Variants in SYNE3 observed in about 807,000 individuals in gnomAD.
The protein encoded by SYNE3 is spectrin repeat containing nuclear envelope family member 3, also known as nesprin-3.
In SYNE3, 100 loss-of-function variants were observed where a neutral mutation model predicts 111.2. The ratio of observed to expected loss-of-function variants is 0.90; its 90% CI spans 0.77 to 1.06. The LOEUF (loss-of-function observed/expected upper bound fraction) is 1.06, where lower values mean the gene tolerates loss of function less well. Ranked by LOEUF, SYNE3 falls within the 50% of genes least tolerant of loss-of-function variation. SYNE3 has a pLI of 0.00. For synonymous variants in SYNE3, 547 were observed against 533.9 expected (o/e 1.02, Z -0.34); for missense variants, 1,160 against 1,240.3 (o/e 0.94, Z 0.97).
rs1431603616 is a variant in SYNE3, at chr14:95,408,247, G to A, written c.*9579C>T. ...TTGGAATGAGGGCTCTGGTCTTTCG[G>A]ACTTGAAATTGGAGGGAAAACGTAA... On this transcript the variant is annotated 3_prime_UTR_variant, in exon 18 of 18. Transcript: ENST00000682763. 9.6e-6 allele frequency: 1 copy of A among 104,320 alleles called. No individual in the cohort carries two copies. The highest frequency in any genetic ancestry group is 2.9e-5 in the African/African-American group (1 of 34,956). 6.5% of individuals were successfully genotyped at this position (104,320 alleles called of 1,614,324 possible).
Position 95,455,981 on chromosome 14 carries a change from C to T in SYNE3, c.790-257G>A, listed in dbSNP as rs1566665789. 4 of 487,594 alleles carry T rather than the reference C, an allele frequency of 8.2e-6. No individual in the cohort carries two copies. The Admixed American group carries it at 1.0e-4, about 13-fold the overall frequency. 30.2% of individuals were successfully genotyped at this position (487,594 alleles called of 1,614,324 possible). A position where few individuals can be genotyped will look rare whatever the true frequency, so the allele number is the denominator to read the frequency against. ...TCAAGGAGAAAGTCTCTGTTGGGTG[C>T]TTCTGTCTTGAACACTTTCTGACAT... On this transcript the variant is annotated intron_variant, in intron 5 of 17. Transcript: ENST00000682763.
intron 4 of SYNE3, among the ~76,000 whole-genome samples, chr14:95,465,342 G>C (rs74778091): frequency 6.9e-5 from 1 of 14,586 alleles, no homozygotes; most frequent in African/African-American, 4.3e-4. Context: ...GTAGATAATG[G>C]TGAGTGGGTG....
rs2139323458 is a variant in SYNE3, at chr14:95,413,996, A to G, written c.*3830T>C. ...TGTGAAGATAATGATAGATGGCCCA[A>G]GGGAATGTGCTGCTGGTGGTGACTC... On this transcript the variant is annotated 3_prime_UTR_variant, in exon 18 of 18. Coordinates refer to ENST00000682763, the MANE Select transcript of SYNE3 (RefSeq NM_152592.6). 6.6e-6 allele frequency: 1 copy of G among 152,544 alleles called. No homozygotes were observed. 9.4% of individuals were successfully genotyped at this position (152,544 alleles called of 1,614,324 possible). A position where few individuals can be genotyped will look rare whatever the true frequency, so the allele number is the denominator to read the frequency against.
At chr14:95,501,525 G>T (rs1348815858) in intron 1 of SYNE3, among the ~76,000 whole-genome samples, 1 of 152,246 alleles carries the variant, frequency 6.6e-6, no homozygotes, top group East Asian at 1.9e-4. Context: ...TGCCCTCGAG[G>T]AGCTCACAGC....
Position 95,409,410 on chromosome 14 carries a change from G to A in SYNE3, c.*8416C>T, listed in dbSNP as rs1047747465. ...TCCCTCATCTCCACAGAGGTGCTGG[G>A]GATGGGCTGGCCTGGTGTTCCTGGT... On this transcript the variant is annotated 3_prime_UTR_variant, in exon 18 of 18. Transcript: ENST00000682763. 6 of 456,432 alleles carry A rather than the reference G, an allele frequency of 1.3e-5. No homozygotes were observed. Among genetic ancestry groups the A allele is most frequent in the African/African-American group, 1.2e-4 (6 of 50,074 alleles). The allele number at this position is 456,432 out of a possible 1,614,324, so 28.3% of individuals were successfully genotyped here.
chr14:95,421,515 C>A (rs1201809348), intron 17 of SYNE3, among the ~76,000 whole-genome samples: 2 of 152,190 alleles, frequency 1.3e-5, no homozygotes, highest in African/African-American at 2.4e-5. Context: ...GTCACTTAGC[C>A]TCTCAGAGCC....
chr14:95,436,589 G>A (rs186023682), intron 15 of SYNE3, among the ~76,000 whole-genome samples: 122 of 152,376 alleles, frequency 8.0e-4, no homozygotes, highest in African/African-American at 2.8e-3. Flanking sequence ...CAAGTGATTA[G>A]TGGTGATATT....
At chr14:95,418,078 G>A in intron 17 of SYNE3, 52 bp from the exon 18 acceptor site, 2 of 1,594,574 alleles carry the variant, frequency 1.3e-6, no homozygotes. Flanking sequence ...CTGGTGGTGG[G>A]GGGCAGGTTC....
intron 1 of SYNE3, among the ~76,000 whole-genome samples, chr14:95,515,889 C>T (rs1212894971): frequency 3.9e-5 from 6 of 152,178 alleles, no homozygotes; most frequent in Admixed American, 3.3e-4. Context: ...ACACTGCTCC[C>T]GGGTTGACCA....
chr14:95,439,527 C>A, intron 13 of SYNE3, 85 bp downstream of exon 13: 35 of 1,557,698 alleles, frequency 2.2e-5, no homozygotes, highest in Non-Finnish European at 3.1e-5. Context: ...GCACCCTGGC[C>A]CTCTGCTCCA....
intron 17 of SYNE3, among the ~76,000 whole-genome samples, chr14:95,419,766 G>A (rs936202492): frequency 7.7e-5 from 11 of 142,440 alleles, no homozygotes; most frequent in Non-Finnish European, 1.7e-4. Context: ...TAATGATCAT[G>A]GAAATGGTGA....
chr14:95,432,242 T>G (rs1885815137), intron 16 of SYNE3, 125 bp from the exon 17 acceptor site: 2 of 1,141,214 alleles, frequency 1.8e-6, no homozygotes, highest in Admixed American at 4.2e-5. Flanking sequence ...TTAAAACTTC[T>G]GGTCATCTGG....
intron 3 of SYNE3, 126 bp downstream of exon 3, chr14:95,467,669 G>T: frequency 1.7e-6 from 2 of 1,198,778 alleles, no homozygotes; most frequent in Non-Finnish European, 2.3e-6. Context: ...CTAATCCCAA[G>T]AGAATATCCT....
intron 6 of SYNE3, 122 bp from the exon 7 acceptor site, chr14:95,452,505 G>T (rs1595208080): frequency 7.8e-7 from 1 of 1,277,096 alleles, no homozygotes; most frequent in East Asian, 2.7e-5. Context: ...TGTCACCAGG[G>T]GCAGGAACTG....
At chr14:95,447,065 G>A (rs1886761588) in intron 8 of SYNE3, among the ~76,000 whole-genome samples, 1 of 152,028 alleles carries the variant, frequency 6.6e-6, no homozygotes, top group Non-Finnish European at 1.5e-5. Flanking sequence ...CTAGGCACGG[G>A]GTTGGGAGAG....
chr14:95,446,058 G>C lies in SYNE3; in HGVS notation c.1483C>G (p.Leu495Val), dbSNP rs770841219. The change falls in exon 9 of 18, where the codon CTG (leucine) becomes GTG (valine). Residue 495 changes from leucine (L) to valine (V), a missense_variant. Physicochemically the swap from Leu to Val is conservative, Grantham distance 32 (BLOSUM62 1). Coordinates refer to ENST00000682763, the MANE Select transcript of SYNE3 (RefSeq NM_152592.6). ...ALMESSRLKE[L>V]LTMLQLKKDL... ...TTCTTCAGCTGCAGCATCGTCAGCA[G>C]CTCTTTCAGGCGGGAGCTTTCCATC... is the stretch of plus-strand genomic sequence containing the variant. 4 of 1,613,994 alleles carry C rather than the reference G, an allele frequency of 2.5e-6. No homozygotes were observed. Among genetic ancestry groups the C allele is most frequent in the Non-Finnish European group, 2.5e-6 (3 of 1,180,032 alleles).
intron 4 of SYNE3, among the ~76,000 whole-genome samples, chr14:95,461,940 G>A (rs1189620313): frequency 6.6e-6 from 1 of 152,218 alleles, no homozygotes. Context: ...GGGCTGGAGG[G>A]CTGGGGACAC....
At chr14:95,496,780 T>G (rs1890109443) in intron 1 of SYNE3, among the ~76,000 whole-genome samples, 1 of 152,198 alleles carries the variant, frequency 6.6e-6, no homozygotes, top group African/African-American at 2.4e-5. Context: ...TTATATTGCA[T>G]TTATGTTTTC....
At chr14:95,428,224 C>G (rs994853325) in intron 17 of SYNE3, among the ~76,000 whole-genome samples, 9 of 152,260 alleles carry the variant, frequency 5.9e-5, no homozygotes, top group African/African-American at 2.2e-4. Flanking sequence ...TTGAACCACA[C>G]AGGCTGGAGC....
Sources: allele counts gnomAD v4.1 joint callset (sites outside exome capture counted in the v4.1 genomes callset), GRCh38; gene constraint gnomAD v4.1.1; transcripts MANE v1.5; gene names NCBI Gene and HGNC (gene_info 2026-07-23, HGNC 2026-07-21).